Variants in MAMLD1 observed in about 807,000 individuals in gnomAD.
MAMLD1 encodes the protein mastermind-like domain-containing protein 1.
A neutral mutation model predicts 45.0 loss-of-function variants in MAMLD1; 14 were observed. That is an observed-to-expected ratio of 0.31 (90% confidence interval 0.21 to 0.49). MAMLD1 has a LOEUF of 0.49. MAMLD1 is among the 20% of genes least tolerant of loss of function. MAMLD1 has a pLI of 0.99. For missense variants in MAMLD1, 543 were observed against 603.6 expected, an observed-to-expected ratio of 0.90 and a Z score of 1.05; for synonymous variants, 254 against 247.8, an observed-to-expected ratio of 1.02 and a Z score of -0.24.
chrX:150,492,894 C>T (rs925489377), intron 5 of MAMLD1, among the ~76,000 whole-genome samples: 10 of 111,386 alleles, frequency 9.0e-5, no homozygotes, highest in East Asian at 2.8e-4. Flanking sequence ...GTTACAAAAG[C>T]GTTAGGGTGG....
intron 6 of MAMLD1, among the ~76,000 whole-genome samples, chrX:150,506,116 A>T (rs679149): frequency 0.33 from 36,665 of 110,586 alleles, 5,269 homozygotes; most frequent in East Asian, 0.65. Flanking sequence ...TTCCTTGTGG[A>T]ATACACTAGT....
At chrX:150,404,038 GAAGGAAGGAAGGA>G (rs1452392231) in intron 1 of MAMLD1, among the ~76,000 whole-genome samples, 40 of 85,570 alleles carry the variant, frequency 4.7e-4, no homozygotes, top group African/African-American at 2.3e-3. Flanking sequence ...AGGAAGGGAG[GAAGGAAGGAAGGA>G]AAGGAAGGAA....
intron 5 of MAMLD1, among the ~76,000 whole-genome samples, chrX:150,484,753 C>A (rs2036932885): frequency 8.9e-6 from 1 of 112,564 alleles, no homozygotes; most frequent in South Asian, 3.7e-4. Context: ...CTGCTGCAAA[C>A]AAAAAGTCTG....
At chrX:150,409,988 G>A (rs1569564697) in intron 1 of MAMLD1, among the ~76,000 whole-genome samples, 2 of 112,336 alleles carry the variant, frequency 1.8e-5, no homozygotes, top group East Asian at 5.6e-4. Context: ...AATTGAGCAG[G>A]ACCTTGAACC....
chrX:150,510,069 C>T (rs782539482), intron 7 of MAMLD1, 23 bp downstream of exon 7: 2 of 1,078,825 alleles, frequency 1.9e-6, no homozygotes, highest in East Asian at 6.0e-5. Context: ...GGCCAGTGTT[C>T]CCAAAGGGGT....
intron 3 of MAMLD1, among the ~76,000 whole-genome samples, chrX:150,464,885 T>A (rs1419877686): frequency 8.9e-6 from 1 of 112,100 alleles, no homozygotes; most frequent in Non-Finnish European, 1.9e-5. Context: ...AGTATGGATG[T>A]AAGGGAAGAG....
Position 150,418,462 on chromosome X carries a change from T to C in MAMLD1, c.-63-26992T>C, listed in dbSNP as rs1164422354. 6.6e-5 allele frequency among the ~76,000 whole-genome samples: 7 copies of C among 105,942 alleles called. No homozygotes were observed. In the Admixed American group the frequency reaches 7.2e-4, roughly 11 times the overall value. The allele number at this position is 105,942 out of a possible 115,157, so 92.0% of individuals were successfully genotyped here. On this transcript the variant is annotated intron_variant, in intron 1 of 7. Transcript: ENST00000370401. ...TTCAGTTCTGCTCTGATTTTAGTTA[T>C]TTCTTGCCTTCTGCTAGCTTTTGAA...
At chrX:150,425,144 G>C (rs1027819762) in intron 1 of MAMLD1, among the ~76,000 whole-genome samples, 2 of 111,931 alleles carry the variant, frequency 1.8e-5, no homozygotes, top group African/African-American at 6.5e-5. Context: ...CTTACCTGAT[G>C]ATAGACATTT....
chrX:150,472,783 G>A (rs73250532), intron 4 of MAMLD1, among the ~76,000 whole-genome samples: 1,929 of 111,944 alleles, frequency 0.017, 23 homozygotes, highest in Non-Finnish European at 0.026. Context: ...GTAAGCCAGA[G>A]GAGATTGCAT....
chrX:150,427,600 A>G (rs1203587920), intron 1 of MAMLD1, among the ~76,000 whole-genome samples: 1 of 111,366 alleles, frequency 9.0e-6, no homozygotes, highest in Non-Finnish European at 1.9e-5. Context: ...CAGGGAACAG[A>G]GGAAGAAGCT....
chrX:150,488,746 T>C (rs2148333865), intron 5 of MAMLD1, among the ~76,000 whole-genome samples: 1 of 113,315 alleles, frequency 8.8e-6, no homozygotes, highest in East Asian at 2.8e-4. Flanking sequence ...TGGTAGGTTA[T>C]GCTTATGCTC....
chrX:150,479,509 T>A (rs1368071601), intron 5 of MAMLD1, among the ~76,000 whole-genome samples: 3 of 112,564 alleles, frequency 2.7e-5, no homozygotes, highest in Admixed American at 9.4e-5. Context: ...ACAAGGAAAC[T>A]TGCTGAAGTT....
intron 2 of MAMLD1, among the ~76,000 whole-genome samples, chrX:150,450,792 C>T (rs1557405036): frequency 1.8e-5 from 2 of 112,092 alleles, no homozygotes; most frequent in Non-Finnish European, 1.9e-5. Context: ...ATCAGCAGCC[C>T]CACTACACTG....
rs1379355424 is a variant in MAMLD1, at chrX:150,382,872, C to A, written c.-64+19342C>A. ...ACACTTCAGATTACAAATATTTTGT[C>A]CCATTTTATTTTATTTTTTTTTTTT... On this transcript the variant is annotated intron_variant, in intron 1 of 7. Transcript: ENST00000370401. Among the ~76,000 whole-genome samples, 28 of 65,362 alleles carry A rather than the reference C, an allele frequency of 4.3e-4. 7 individuals are homozygous for A. The highest frequency in any genetic ancestry group is 2.3e-3 in the African/African-American group (27 of 11,504). The allele number at this position is 65,362 out of a possible 115,157, so 56.8% of individuals were successfully genotyped here.
intron 1 of MAMLD1, among the ~76,000 whole-genome samples, chrX:150,417,631 G>C (rs1388749958): frequency 9.4e-6 from 1 of 106,556 alleles, no homozygotes; most frequent in Non-Finnish European, 1.9e-5. Flanking sequence ...CACCAACAGT[G>C]TAAAAGTGTT....
chrX:150,497,138 C>T (rs2148348359), intron 5 of MAMLD1, among the ~76,000 whole-genome samples: 1 of 111,898 alleles, frequency 8.9e-6, no homozygotes, highest in South Asian at 3.7e-4. Context: ...TAAATTTTTC[C>T]AGGTCTTGCT....
intron 5 of MAMLD1, among the ~76,000 whole-genome samples, chrX:150,489,826 G>A (rs1301219908): frequency 2.7e-5 from 3 of 111,085 alleles, no homozygotes; most frequent in African/African-American, 9.8e-5. Context: ...GCCTGTGAAA[G>A]ATAAACAGGG....
At chrX:150,378,644 T>C (rs1258233970) in intron 1 of MAMLD1, among the ~76,000 whole-genome samples, 1 of 112,207 alleles carries the variant, frequency 8.9e-6, no homozygotes, top group Non-Finnish European at 1.9e-5. Context: ...CTTTCTACTA[T>C]AAGAAAGAAC....
At chrX:150,430,266 T>G (rs1451009888) in intron 1 of MAMLD1, among the ~76,000 whole-genome samples, 1 of 110,295 alleles carries the variant, frequency 9.1e-6, no homozygotes, top group East Asian at 2.8e-4. Context: ...TCCACTCACC[T>G]TGGCCCCCAA....
Sources: allele counts gnomAD v4.1 joint callset (sites outside exome capture counted in the v4.1 genomes callset), GRCh38; gene constraint gnomAD v4.1.1; transcripts MANE v1.5; gene names NCBI Gene and HGNC (gene_info 2026-07-23, HGNC 2026-07-21).